The following CPNE4 variants were observed in gnomAD, a reference collection of about 807,000 sequenced individuals.
The protein encoded by CPNE4 is copine 4, also known as copine-4.
A neutral mutation model predicts 67.9 loss-of-function variants in CPNE4; 25 were observed. The ratio of observed to expected loss-of-function variants is 0.37; its 90% CI spans 0.27 to 0.51. CPNE4 has a LOEUF of 0.51. Among genes scored for constraint, CPNE4 ranks in the 20% least tolerant of loss-of-function variants. The pLI is 0.93. For missense variants in CPNE4, 464 were observed against 690.8 expected, an observed-to-expected ratio of 0.67 and a Z score of 3.68; for synonymous variants, 242 against 244.9, an observed-to-expected ratio of 0.99 and a Z score of 0.11.
intron 1 of CPNE4, among the ~76,000 whole-genome samples, chr3:132,026,079 G>C (rs2074109449): frequency 6.6e-6 from 1 of 152,140 alleles, no homozygotes; most frequent in Admixed American, 6.5e-5. Flanking sequence ...TGGATGATAT[G>C]ATAAAGTCAA....
At chr3:131,959,366 T>C (rs2072098742) in intron 1 of CPNE4, among the ~76,000 whole-genome samples, 2 of 152,006 alleles carry the variant, frequency 1.3e-5, no homozygotes, top group Admixed American at 1.3e-4. Context: ...ACCCCTGCAT[T>C]CCCCAATCCT....
At chr3:131,746,059 T>C (rs955611822) in intron 2 of CPNE4, among the ~76,000 whole-genome samples, 1 of 152,138 alleles carries the variant, frequency 6.6e-6, no homozygotes. Flanking sequence ...ATTTCTTTCA[T>C]TCACATTATG....
intron 2 of CPNE4, among the ~76,000 whole-genome samples, chr3:131,865,021 A>T (rs2086872708): frequency 6.6e-6 from 1 of 152,040 alleles, no homozygotes; most frequent in Non-Finnish European, 1.5e-5. Flanking sequence ...TGATTTGTGT[A>T]TGTTGAACCA....
At chr3:131,619,017 G>T (rs910048298) in intron 7 of CPNE4, among the ~76,000 whole-genome samples, 1 of 152,180 alleles carries the variant, frequency 6.6e-6, no homozygotes, top group African/African-American at 2.4e-5. Flanking sequence ...GGACAAACTT[G>T]TAAAGTTGTT....
chr3:131,949,534 C>T (rs187791268), intron 1 of CPNE4, among the ~76,000 whole-genome samples: 1 of 152,200 alleles, frequency 6.6e-6, no homozygotes, highest in East Asian at 1.9e-4. Flanking sequence ...AAAGATGAAA[C>T]ATGAAGGCAT....
intron 2 of CPNE4, among the ~76,000 whole-genome samples, chr3:131,816,180 A>G (rs1453808466): frequency 2.0e-5 from 3 of 152,202 alleles, no homozygotes; most frequent in Non-Finnish European, 4.4e-5. Context: ...ATGTGCTTCT[A>G]TGAGCATTTT....
At chr3:131,610,870 G>C (rs980840770) in intron 7 of CPNE4, among the ~76,000 whole-genome samples, 1 of 152,162 alleles carries the variant, frequency 6.6e-6, no homozygotes, top group Admixed American at 6.5e-5. Flanking sequence ...CAAGTGTACG[G>C]GGAGTGGATG....
chr3:131,732,424 G>A lies in CPNE4; in HGVS notation c.181-8799C>T, dbSNP rs140391649. On this transcript the variant is annotated intron_variant, in intron 2 of 15. Transcript: ENST00000429747. ...TATGTACCAGGAGACCAGCCCACATGTGGATTGTTTCATTCAGGTTTCTTG... is the reference window on the plus strand; with the variant it reads ...TATGTACCAGGAGACCAGCCCACATATGGATTGTTTCATTCAGGTTTCTTG... Among the ~76,000 whole-genome samples the A allele has an allele frequency of 8.2e-3, 1,243 of 152,298 alleles. 20 individuals carry two copies. The highest frequency in any genetic ancestry group is 0.034 in the East Asian group (175 of 5,184).
rs2084358145 is a variant in CPNE4 at position 131,807,401 on chromosome 3, A to G, written c.181-83776T>C. 5.3e-5 allele frequency among the ~76,000 whole-genome samples: 8 copies of G among 152,214 alleles called. 1 individual carries two copies. The South Asian group carries it at 1.7e-3, about 31-fold the overall frequency. On this transcript the variant is annotated intron_variant, in intron 2 of 15. Coordinates refer to ENST00000429747, the MANE Select transcript of CPNE4 (RefSeq NM_130808.3). The stretch of plus-strand genomic sequence containing the variant: ...TTAAAAAACATTTTGCTTTGGAGAT[A>G]CTTAGGTCATTATATACAGATCTAC...
intron 2 of CPNE4, among the ~76,000 whole-genome samples, chr3:131,742,957 A>G (rs2082392883): frequency 6.6e-6 from 1 of 152,118 alleles, no homozygotes; most frequent in South Asian, 2.1e-4. Context: ...ATAAACAAGA[A>G]TAATAATAAA....
chr3:131,992,140 T>G (rs2073187391), intron 1 of CPNE4, among the ~76,000 whole-genome samples: 1 of 136,210 alleles, frequency 7.3e-6, no homozygotes, highest in Admixed American at 8.1e-5. Flanking sequence ...CTCTGCCTAG[T>G]GGAGCTGTGA....
At chr3:131,833,564 C>T (rs1444595045) in intron 2 of CPNE4, among the ~76,000 whole-genome samples, 1 of 152,104 alleles carries the variant, frequency 6.6e-6, no homozygotes, top group Admixed American at 6.5e-5. Context: ...GGTGTGGTGG[C>T]ATGTGCCTGT....
chr3:131,665,615 C>T (rs967614000), intron 7 of CPNE4, among the ~76,000 whole-genome samples: 6 of 151,394 alleles, frequency 4.0e-5, no homozygotes, highest in African/African-American at 9.7e-5. Context: ...GCCTAGATTG[C>T]GCCACTGCAA....
chr3:131,602,335 A>G (rs1236124694), intron 7 of CPNE4, among the ~76,000 whole-genome samples: 1 of 152,198 alleles, frequency 6.6e-6, no homozygotes, highest in African/African-American at 2.4e-5. Context: ...TGTTTCCTTA[A>G]GATAATTCAA....
intron 7 of CPNE4, among the ~76,000 whole-genome samples, chr3:131,593,569 T>C (rs900345606): frequency 1.1e-4 from 16 of 152,230 alleles, no homozygotes; most frequent in African/African-American, 3.9e-4. Context: ...TTTATTTTCG[T>C]GAAGCCGTTA....
chr3:131,616,104 A>G (rs1386909852), intron 7 of CPNE4, among the ~76,000 whole-genome samples: 4 of 152,170 alleles, frequency 2.6e-5, no homozygotes, highest in Non-Finnish European at 1.5e-5. Context: ...CAAGCTGTAC[A>G]TTGACCAGAG....
At chr3:131,778,982 A>G (rs2083362478) in intron 2 of CPNE4, among the ~76,000 whole-genome samples, 1 of 152,100 alleles carries the variant, frequency 6.6e-6, no homozygotes, top group South Asian at 2.1e-4. Context: ...AACAACTTCA[A>G]CAAAGTTTTA....
chr3:131,576,008 C>G (rs1937539651), intron 9 of CPNE4, among the ~76,000 whole-genome samples: 1 of 152,124 alleles, frequency 6.6e-6, no homozygotes, highest in African/African-American at 2.4e-5. Flanking sequence ...ATTGAATACT[C>G]ACTATGCACT....
chr3:131,922,847 T>C (rs571813437), intron 1 of CPNE4, among the ~76,000 whole-genome samples: 2 of 152,300 alleles, frequency 1.3e-5, no homozygotes, highest in East Asian at 3.9e-4. Context: ...TATGTCTGTT[T>C]CTATGTCTCC....
Sources: allele counts gnomAD v4.1 joint callset (sites outside exome capture counted in the v4.1 genomes callset), GRCh38; gene constraint gnomAD v4.1.1; transcripts MANE v1.5; gene names NCBI Gene and HGNC (gene_info 2026-07-23, HGNC 2026-07-21).